FAT1: variants seen among roughly 807,000 people sequenced by gnomAD.
FAT1 encodes FAT atypical cadherin 1.
In FAT1, 171 loss-of-function variants were observed where a neutral mutation model predicts 329.8. The observed-to-expected ratio is 0.52, with a 90% CI of 0.46 to 0.59. FAT1 has a LOEUF of 0.59. Ranked by LOEUF, FAT1 falls within the 20% of genes least tolerant of loss-of-function variation. The pLI is 0.00. For missense variants in FAT1, 5,672 were observed against 5,774.4 expected (o/e 0.98, Z 0.57); for synonymous variants, 2,233 against 2,228.6 (o/e 1.00, Z -0.06).
In FAT1 at chr4:186,680,447, T is replaced by A. The variant is rs551947164; in HGVS notation, c.3266-16834A>T. On this transcript the variant is annotated intron_variant, in intron 2 of 26. Transcript: ENST00000441802. The stretch of plus-strand genomic sequence containing the variant: ...AATAGGCTTTAATTACACACGACCG[T>A]TTCTGTAACATTTCTCTCTTCAGGC... 2.0e-3 allele frequency among the ~76,000 whole-genome samples: 304 copies of A among 152,232 alleles called. 4 individuals are homozygous for A. Among genetic ancestry groups the A allele is most frequent in the Non-Finnish European group, 3.5e-4 (24 of 68,020 alleles).
intron 3 of FAT1, among the ~76,000 whole-genome samples, chr4:186,662,998 A>G (rs559066071): frequency 2.0e-5 from 3 of 152,120 alleles, no homozygotes; most frequent in African/African-American, 2.4e-5. Context: ...CACCACGCCC[A>G]GCTAATTTTT....
chr4:186,589,066 G>C lies in FAT1; in HGVS notation c.13293C>G (p.Ile4431Met), dbSNP rs146964047. Residue 4431 changes from isoleucine (I) to methionine (M), a missense_variant, in exon 27 of 27, where the codon ATC becomes ATG. This residue lies in a region of FAT1 where 1,706 missense variants were observed against 1,859.1 expected (regional missense o/e 0.92). Coordinates refer to ENST00000441802, the MANE Select transcript of FAT1 (RefSeq NM_005245.4). ...DTDYYPGGYD[I>M]ESDFPPPPED... ...CTGGGGGTGGAGGAAAATCACTTTC[G>C]ATGTCGTAGCCTCCAGGGTAATAGT... 6.2e-7 allele frequency: 1 copy of C among 1,613,876 alleles called. No homozygotes were observed.
In FAT1 at chr4:186,709,417, C is replaced by T; in HGVS notation, c.411G>A (p.Val137=). The T allele has an allele frequency of 6.2e-7, 1 of 1,613,946 alleles. No homozygotes were observed. The highest frequency in any genetic ancestry group is 1.7e-5 in the Admixed American group (1 of 60,010). ...TNVEARTKVR[V]QVLDTNDLRP... is the part of the protein sequence containing the mutation. Reference sequence around the variant, plus strand: ...TCAAGTCATTTGTATCCAGCACCTGCACCCTGACCTTTGTTCGCGCCTCCA... The same window carrying T: ...TCAAGTCATTTGTATCCAGCACCTGTACCCTGACCTTTGTTCGCGCCTCCA... Residue 137 remains valine (V), a synonymous_variant, in exon 2 of 27, where the codon GTG becomes GTA. Coordinates refer to ENST00000441802, the MANE Select transcript of FAT1 (RefSeq NM_005245.4).
chr4:186,626,688 C>G (rs328434), intron 9 of FAT1, among the ~76,000 whole-genome samples: 45,997 of 108,156 alleles, frequency 0.43, 10,107 homozygotes, highest in African/African-American at 0.47. Context: ...CATGGCACCT[C>G]GCACATAAAG....
upstream of FAT1, among the ~76,000 whole-genome samples, chr4:186,726,041 C>G (rs1745707534): frequency 6.6e-6 from 1 of 152,222 alleles, no homozygotes; most frequent in South Asian, 2.1e-4. Flanking sequence ...CTGCAAATCT[C>G]GCGGCCCCGA....
intron 2 of FAT1, 29 bp downstream of exon 2, chr4:186,706,534 T>A (rs1744606943): frequency 2.0e-6 from 3 of 1,526,532 alleles, no homozygotes; most frequent in Non-Finnish European, 1.8e-6. Flanking sequence ...GAAAAGGGCA[T>A]CAAATGAGAG....
intron 7 of FAT1, 41 bp from the exon 8 acceptor site, chr4:186,628,804 T>C (rs773106735): frequency 7.6e-6 from 12 of 1,571,478 alleles, no homozygotes; most frequent in Non-Finnish European, 9.5e-6. Flanking sequence ...TATTTCCAAT[T>C]ATGAATGTTT....
At chr4:186,686,645 C>T (rs1409271084) in intron 2 of FAT1, among the ~76,000 whole-genome samples, 1 of 152,072 alleles carries the variant, frequency 6.6e-6, no homozygotes, top group Admixed American at 6.6e-5. Context: ...GTGAACAGAA[C>T]CCTGTGCCTT....
At position 186,597,001 on chromosome 4, in the gene FAT1, G is replaced by A. The variant is rs747017523; in HGVS notation, c.12539C>T (p.Ala4180Val). 6.2e-6 allele frequency: 10 copies of A among 1,613,870 alleles called. No homozygotes were observed. Among genetic ancestry groups the A allele is most frequent in the African/African-American group, 2.7e-5 (2 of 74,996 alleles). ...AAACACAACGATTCCAATTCCTTCCGCCAACCCAATGTTCCACGGCGTGGA... is the reference window on the plus strand; with the variant it reads ...AAACACAACGATTCCAATTCCTTCCACCAACCCAATGTTCCACGGCGTGGA... ...YVSTPWNIGL[A>V]EGIGIVVFVA... Residue 4180 changes from alanine (A) to valine (V), a missense_variant, in exon 25 of 27, where the codon GCG becomes GTG. Physicochemically the swap from Ala to Val is moderately conservative, Grantham distance 64. Transcript: ENST00000441802.
chr4:186,599,646 C>T (rs377630847), intron 22 of FAT1, among the ~76,000 whole-genome samples: 5 of 152,198 alleles, frequency 3.3e-5, no homozygotes, highest in African/African-American at 9.7e-5. Flanking sequence ...GAGGTGCCTC[C>T]TGCTCGGGCA....
In FAT1 at chr4:186,617,847, A is replaced by G. The variant is rs2126488604; in HGVS notation, c.8739T>C (p.Asp2913=). 6.2e-7 allele frequency: 1 copy of G among 1,613,994 alleles called. No individual in the cohort carries two copies. The highest frequency in any genetic ancestry group is 8.5e-7 in the Non-Finnish European group (1 of 1,179,882). Residue 2913 remains aspartate (D), a synonymous_variant, in exon 10 of 27, where the codon GAT becomes GAC. Coordinates refer to ENST00000441802, the MANE Select transcript of FAT1 (RefSeq NM_005245.4). Reference sequence around the variant, plus strand: ...TCTCGGCCGTGAATCGTGGTGGACTATCGTTGACATCGGTGACGGTAACAT... The same window carrying G: ...TCTCGGCCGTGAATCGTGGTGGACTGTCGTTGACATCGGTGACGGTAACAT... ...IVDVTVTDVN[D]SPPRFTAEIY...
At chr4:186,637,716 GA>G (rs1740896736) in intron 4 of FAT1, among the ~76,000 whole-genome samples, 1 of 152,008 alleles carries the variant, frequency 6.6e-6, no homozygotes, top group African/African-American at 2.4e-5. Flanking sequence ...TAAATATAAC[GA>G]CATTAGTAAT....
rs61103928 is a variant in FAT1 at position 186,604,220 on chromosome 4, G to C, written c.10548+157C>G. 6.2e-3 allele frequency among the ~76,000 whole-genome samples: 946 copies of C among 152,208 alleles called. 10 individuals are homozygous for C. Among genetic ancestry groups the C allele is most frequent in the African/African-American group, 0.021 (889 of 41,518 alleles). On this transcript the variant is annotated intron_variant, in intron 18 of 26. Coordinates refer to ENST00000441802, the MANE Select transcript of FAT1 (RefSeq NM_005245.4). ...ACAATGAGCTCCTTCAAACACAGCGGGATAAAAATGGAAGGTATGGCAAAA... is the reference window on the plus strand; with the variant it reads ...ACAATGAGCTCCTTCAAACACAGCGCGATAAAAATGGAAGGTATGGCAAAA...
At chr4:186,675,971 G>A (rs1302991164) in intron 2 of FAT1, among the ~76,000 whole-genome samples, 1 of 152,074 alleles carries the variant, frequency 6.6e-6, no homozygotes. Context: ...CCACATGCCA[G>A]GTATGCTACA....
intron 17 of FAT1, 60 bp downstream of exon 17, chr4:186,606,010 A>C: frequency 6.7e-7 from 1 of 1,492,164 alleles, no homozygotes; most frequent in Non-Finnish European, 9.1e-7. Flanking sequence ...AAAGCAACAG[A>C]GGCCAATGGA....
intron 9 of FAT1, 128 bp downstream of exon 9, chr4:186,628,026 A>G (rs1740400394): frequency 2.0e-6 from 2 of 978,076 alleles, no homozygotes; most frequent in African/African-American, 1.6e-5. Flanking sequence ...AATTGTATCT[A>G]GAGATCAATT....
At chr4:186,651,814 C>A (rs1171464892) in intron 3 of FAT1, among the ~76,000 whole-genome samples, 1 of 152,196 alleles carries the variant, frequency 6.6e-6, no homozygotes, top group African/African-American at 2.4e-5. Context: ...TCCGCAGCAC[C>A]GCACCGTCTT....
intron 1 of FAT1, among the ~76,000 whole-genome samples, chr4:186,711,373 C>T (rs543952656): frequency 3.9e-5 from 6 of 152,098 alleles, no homozygotes; most frequent in Non-Finnish European, 8.8e-5. Context: ...TCTAGGAGAA[C>T]AATTATCATT....
intron 22 of FAT1, among the ~76,000 whole-genome samples, chr4:186,599,303 C>A (rs1337342731): frequency 6.6e-6 from 1 of 152,118 alleles, no homozygotes; most frequent in Non-Finnish European, 1.5e-5. Context: ...GTTCATTATA[C>A]CAAGCTCTAT....
Sources: gnomAD v4.1 joint callset for allele counts (sites outside exome capture counted in the v4.1 genomes callset) on GRCh38, gnomAD v4.1.1 for gene constraint, gnomAD v4.1.1 regional missense constraint, MANE v1.5 for transcripts, NCBI Gene and HGNC (gene_info 2026-07-23, HGNC 2026-07-21) for gene names.